The following COQ10B variants were observed in gnomAD, a reference collection of about 807,000 sequenced individuals.
The protein encoded by COQ10B is coenzyme Q10B, also known as coenzyme Q-binding protein COQ10 homolog B, mitochondrial.
COQ10B carries 12 observed loss-of-function variants against 27.6 expected under a neutral mutation model. The observed-to-expected ratio is 0.43, with a 90% CI of 0.28 to 0.70. The LOEUF is 0.70. Ranked by LOEUF, COQ10B falls within the 30% of genes least tolerant of loss-of-function variation. The pLI, the probability that COQ10B is intolerant of heterozygous loss-of-function variation, is 0.17. For missense variants in COQ10B, 278 were observed against 288.7 expected (o/e 0.96, Z 0.27); for synonymous variants, 115 against 103.0 (o/e 1.12, Z -0.71).
intron 4 of COQ10B, among the ~76,000 whole-genome samples, chr2:197,472,629 C>T (rs1384201453): frequency 6.6e-6 from 1 of 151,940 alleles, no homozygotes; most frequent in Non-Finnish European, 1.5e-5. Flanking sequence ...CATGGTGAAA[C>T]CCCGTCTCTA....
chr2:197,467,380 T>TTTGA (rs1158439465), intron 3 of COQ10B, among the ~76,000 whole-genome samples: 3 of 151,946 alleles, frequency 2.0e-5, no homozygotes, highest in Non-Finnish European at 4.4e-5. Flanking sequence ...GGGTTCTGGA[T>TTTGA]TTGATTGATT....
At chr2:197,466,051 C>A (rs188556207) in intron 3 of COQ10B, among the ~76,000 whole-genome samples, 1 of 152,098 alleles carries the variant, frequency 6.6e-6, no homozygotes, top group Non-Finnish European at 1.5e-5. Flanking sequence ...GAGATCGCGC[C>A]ATTGCACTCC....
intron 3 of COQ10B, among the ~76,000 whole-genome samples, chr2:197,468,204 G>C (rs1414597568): frequency 6.6e-6 from 1 of 152,182 alleles, no homozygotes; most frequent in Non-Finnish European, 1.5e-5. Context: ...ACTTTGGAAG[G>C]CCGAGGCGGG....
intron 2 of COQ10B, among the ~76,000 whole-genome samples, chr2:197,461,765 C>T (rs1476142135): frequency 6.6e-6 from 1 of 151,834 alleles, no homozygotes; most frequent in Non-Finnish European, 1.5e-5. Flanking sequence ...CTCAGCCTCC[C>T]GAGTAGCTGG....
chr2:197,468,528 A>G (rs2085848793), intron 3 of COQ10B, among the ~76,000 whole-genome samples: 1 of 152,124 alleles, frequency 6.6e-6, no homozygotes, highest in African/African-American at 2.4e-5. Context: ...TTAATGTTAA[A>G]TTTCCTATAA....
chr2:197,466,044 A>G (rs2085821420), intron 3 of COQ10B, among the ~76,000 whole-genome samples: 2 of 152,152 alleles, frequency 1.3e-5, no homozygotes, highest in Admixed American at 6.6e-5. Flanking sequence ...GTGAGCCGAG[A>G]TCGCGCCATT....
At position 197,474,051 on chromosome 2, in the gene COQ10B, C is replaced by A; in HGVS notation, c.*127C>A. On this transcript the variant is annotated 3_prime_UTR_variant, in exon 5 of 5. Coordinates refer to ENST00000263960, the MANE Select transcript of COQ10B (RefSeq NM_025147.5). The stretch of plus-strand genomic sequence containing the variant: ...ACGCAGCTTTGGTTATAAACCTGCA[C>A]CATTGAAAATTTGCACATAGAATAT... 1 of 621,694 alleles carries A rather than the reference C, an allele frequency of 1.6e-6. No individual in the cohort carries two copies. Among genetic ancestry groups the A allele is most frequent in the South Asian group, 5.2e-5 (1 of 19,152 alleles). The allele number at this position is 621,694 out of a possible 1,614,324, so 38.5% of individuals were successfully genotyped here.
chr2:197,465,775 A>C (rs2085818709), intron 3 of COQ10B, among the ~76,000 whole-genome samples: 2 of 152,014 alleles, frequency 1.3e-5, no homozygotes, highest in South Asian at 2.1e-4. Flanking sequence ...ATAGCAAGTA[A>C]GACTCCATCT....
intron 4 of COQ10B, among the ~76,000 whole-genome samples, chr2:197,470,966 G>T (rs989597349): frequency 6.6e-6 from 1 of 152,124 alleles, no homozygotes; most frequent in Non-Finnish European, 1.5e-5. Flanking sequence ...TGCTGAGAAG[G>T]CTGACGAGCA....
At chr2:197,473,411 A>ATATATATAT (rs1553575302) in intron 4 of COQ10B, among the ~76,000 whole-genome samples, 2 of 61,186 alleles carry the variant, frequency 3.3e-5, no homozygotes, top group African/African-American at 6.5e-5. Flanking sequence ...ACAAAAAAAA[A>ATATATATAT]AAAAATATAT....
At chr2:197,472,883 TC>T (rs2085893748) in intron 4 of COQ10B, among the ~76,000 whole-genome samples, 1 of 152,102 alleles carries the variant, frequency 6.6e-6, no homozygotes, top group South Asian at 2.1e-4. Flanking sequence ...CATGCACACT[TC>T]CAGCCTCCTC....
intron 3 of COQ10B, 64 bp downstream of exon 3, chr2:197,462,795 TA>T: frequency 2.0e-6 from 2 of 987,492 alleles, no homozygotes; most frequent in Non-Finnish European, 2.9e-6. Flanking sequence ...TCAAATGAGT[TA>T]AAATGTAATA....
intron 3 of COQ10B, among the ~76,000 whole-genome samples, chr2:197,468,236 C>T (rs1238810036): frequency 1.3e-5 from 2 of 151,548 alleles, no homozygotes; most frequent in Non-Finnish European, 1.5e-5. Flanking sequence ...GTCAGGAGAT[C>T]GAGACCATCC....
intron 3 of COQ10B, among the ~76,000 whole-genome samples, chr2:197,464,101 A>G (rs1334915195): frequency 6.8e-6 from 1 of 147,072 alleles, no homozygotes; most frequent in Non-Finnish European, 1.5e-5. Context: ...ATACATATAT[A>G]TGTATAAACA....
chr2:197,473,284 G>A (rs78572740), intron 4 of COQ10B, among the ~76,000 whole-genome samples: 9,560 of 150,646 alleles, frequency 0.063, 395 homozygotes, highest in South Asian at 0.093. Context: ...TGGGCACAGT[G>A]GCTCATGCCC....
chr2:197,456,684 G>C (rs2085703032), intron 1 of COQ10B, among the ~76,000 whole-genome samples: 1 of 151,416 alleles, frequency 6.6e-6, no homozygotes, highest in East Asian at 1.9e-4. Context: ...AGAATGGCGT[G>C]AACCCGGGAG....
At chr2:197,455,325 T>A (rs1461676668) in intron 1 of COQ10B, among the ~76,000 whole-genome samples, 2 of 152,086 alleles carry the variant, frequency 1.3e-5, no homozygotes, top group African/African-American at 4.8e-5. Flanking sequence ...AACGTAGGTG[T>A]CCAACAACAG....
intron 1 of COQ10B, chr2:197,454,009 G>A: frequency 6.4e-7 from 1 of 1,551,224 alleles, no homozygotes; most frequent in Non-Finnish European, 8.7e-7. Context: ...TTGCGCAGAA[G>A]GGTTGCCGGC....
chr2:197,475,201 C>G lies in COQ10B; in HGVS notation c.*1277C>G. 2 of 152,276 alleles carry G rather than the reference C, an allele frequency of 1.3e-5. No homozygotes were observed. Among genetic ancestry groups the G allele is most frequent in the East Asian group, 3.7e-4 (2 of 5,334 alleles). The allele number at this position is 152,276 out of a possible 1,614,324, so 9.4% of individuals were successfully genotyped here. ...TTTGCATAGACATAGTAAAGTGTTACAGCATTTCATGTCTTAAAAATATCT... is the reference window on the plus strand; with the variant it reads ...TTTGCATAGACATAGTAAAGTGTTAGAGCATTTCATGTCTTAAAAATATCT... On this transcript the variant is annotated 3_prime_UTR_variant, in exon 5 of 5. Coordinates refer to ENST00000263960, the MANE Select transcript of COQ10B (RefSeq NM_025147.5).
Sources: gnomAD v4.1 joint callset for allele counts (sites outside exome capture counted in the v4.1 genomes callset) on GRCh38, gnomAD v4.1.1 for gene constraint, MANE v1.5 for transcripts, NCBI Gene and HGNC (gene_info 2026-07-23, HGNC 2026-07-21) for gene names.